PLAC1: variants seen among roughly 807,000 people sequenced by gnomAD.
The protein encoded by PLAC1 is placenta associated 1.
For synonymous variants in PLAC1, 68 were observed against 62.1 expected, an observed-to-expected ratio of 1.09 and a Z score of -0.44; for missense variants, 136 against 163.2, an observed-to-expected ratio of 0.83 and a Z score of 0.91.
At chrX:134,665,129 T>G (rs1229024538) in intron 2 of PLAC1, among the ~76,000 whole-genome samples, 1 of 109,983 alleles carries the variant, frequency 9.1e-6, no homozygotes, top group Non-Finnish European at 1.9e-5. Context: ...TGTGTTTGTG[T>G]GTATGTGTGT....
intron 1 of PLAC1, among the ~76,000 whole-genome samples, chrX:134,613,411 A>T (rs2078163661): frequency 9.0e-6 from 1 of 110,594 alleles, no homozygotes; most frequent in Non-Finnish European, 1.9e-5. Flanking sequence ...CTGTGGAGGT[A>T]CTTTGTCATC....
intron 2 of PLAC1, among the ~76,000 whole-genome samples, chrX:134,716,204 G>A (rs1160278636): frequency 1.8e-5 from 2 of 112,530 alleles, no homozygotes; most frequent in East Asian, 5.6e-4. Context: ...CTTTACAAGG[G>A]GGAAATGTAT....
chrX:134,710,771 C>T (rs1435144752), intron 2 of PLAC1, among the ~76,000 whole-genome samples: 1 of 110,330 alleles, frequency 9.1e-6, no homozygotes, highest in Non-Finnish European at 1.9e-5. Flanking sequence ...TGACTGGAGG[C>T]AGGAGATAAA....
chrX:134,582,018 T>C (rs981164865), intron 2 of PLAC1, among the ~76,000 whole-genome samples: 2 of 112,145 alleles, frequency 1.8e-5, no homozygotes, highest in Non-Finnish European at 3.8e-5. Context: ...ATTCTATGGG[T>C]TGTTCGGAAT....
At chrX:134,595,922 C>G (rs1448128370) in intron 2 of PLAC1, among the ~76,000 whole-genome samples, 1 of 109,928 alleles carries the variant, frequency 9.1e-6, no homozygotes, top group African/African-American at 3.3e-5. Flanking sequence ...ATTTTGTTTT[C>G]TTTTTCCTGC....
intron 1 of PLAC1, among the ~76,000 whole-genome samples, chrX:134,644,766 T>C (rs890454563): frequency 3.6e-5 from 4 of 111,476 alleles, no homozygotes; most frequent in South Asian, 7.6e-4. Context: ...TCATCTCCCA[T>C]ATCCAATTAC....
chrX:134,578,307 G>C (rs2077951944), intron 2 of PLAC1, among the ~76,000 whole-genome samples: 1 of 106,279 alleles, frequency 9.4e-6, no homozygotes, highest in Admixed American at 1.0e-4. Context: ...CAGCTACTTG[G>C]GAGGCTGAGG....
intron 1 of PLAC1, among the ~76,000 whole-genome samples, chrX:134,641,101 C>A (rs2078305882): frequency 1.8e-5 from 2 of 110,339 alleles, no homozygotes; most frequent in Admixed American, 1.9e-4. Context: ...AAATAAAAAC[C>A]TAATTAGCTG....
chrX:134,666,209 C>T (rs1009280118), intron 2 of PLAC1, among the ~76,000 whole-genome samples: 2 of 111,194 alleles, frequency 1.8e-5, no homozygotes, highest in Admixed American at 9.6e-5. Context: ...CCTGAAGGCA[C>T]GAGTCAGGAT....
intron 1 of PLAC1, among the ~76,000 whole-genome samples, chrX:134,753,829 CT>C (rs1167149176): frequency 8.9e-6 from 1 of 111,880 alleles, no homozygotes; most frequent in African/African-American, 3.3e-5. Context: ...ACACTGACAT[CT>C]GCAGGTAATT....
At chrX:134,631,084 G>C (rs1330173503) in intron 1 of PLAC1, among the ~76,000 whole-genome samples, 1 of 111,803 alleles carries the variant, frequency 8.9e-6, no homozygotes, top group Non-Finnish European at 1.9e-5. Flanking sequence ...TGGGAAATGA[G>C]TGCTTAACAG....
At chrX:134,760,637 T>TA (rs746979303) in intron 1 of PLAC1, among the ~76,000 whole-genome samples, 2,002 of 104,725 alleles carry the variant, frequency 0.019, 51 homozygotes, top group African/African-American at 0.065. Context: ...AGTGTTAGGT[T>TA]AAAAAAAAAA....
intron 2 of PLAC1, among the ~76,000 whole-genome samples, chrX:134,683,330 G>A (rs1205465124): frequency 9.1e-6 from 1 of 109,743 alleles, no homozygotes; most frequent in East Asian, 2.8e-4. Flanking sequence ...TGTCAGTTAG[G>A]GTATCTTTTC....
At chrX:134,734,248 C>A (rs1236837421) in intron 1 of PLAC1, among the ~76,000 whole-genome samples, 3 of 112,949 alleles carry the variant, frequency 2.7e-5, no homozygotes, top group Non-Finnish European at 5.6e-5. Flanking sequence ...CCATCCAGGG[C>A]AAACTTCCAC....
intron 1 of PLAC1, among the ~76,000 whole-genome samples, chrX:134,626,644 C>A (rs1049773146): frequency 1.3e-4 from 15 of 111,566 alleles, no homozygotes; most frequent in African/African-American, 4.9e-4. Context: ...AGCTTTTTGG[C>A]CAGAGGCAGT....
intron 1 of PLAC1, among the ~76,000 whole-genome samples, chrX:134,623,518 G>GT (rs751489286): frequency 6.2e-5 from 7 of 112,425 alleles, no homozygotes; most frequent in Admixed American, 1.9e-4. Context: ...ATTATTATTC[G>GT]TATTTTACAG....
At chrX:134,751,094 G>A (rs1490888324) in intron 1 of PLAC1, among the ~76,000 whole-genome samples, 2 of 86,596 alleles carry the variant, frequency 2.3e-5, no homozygotes, top group Admixed American at 2.8e-4. Flanking sequence ...CCGCACTGCA[G>A]CCTGGGCAAC....
intron 2 of PLAC1, among the ~76,000 whole-genome samples, chrX:134,678,688 A>G (rs1441726096): frequency 2.7e-5 from 3 of 112,029 alleles, no homozygotes; most frequent in Non-Finnish European, 5.6e-5. Flanking sequence ...CCCAGCATCT[A>G]TAACATTCCT....
chrX:134,709,385 G>A (rs1347522742), intron 2 of PLAC1, among the ~76,000 whole-genome samples: 2 of 112,117 alleles, frequency 1.8e-5, no homozygotes. Context: ...GAGAACTGTG[G>A]GAGGCCAAGG....
Sources: gnomAD v4.1 joint callset for allele counts (sites outside exome capture counted in the v4.1 genomes callset) on GRCh38, gnomAD v4.1.1 for gene constraint, MANE v1.5 for transcripts, NCBI Gene and HGNC (gene_info 2026-07-23, HGNC 2026-07-21) for gene names.